Variants in FNTB observed in about 807,000 individuals in gnomAD.
FNTB encodes the protein protein farnesyltransferase subunit beta.
Under a neutral mutation model 59.4 loss-of-function variants are expected in FNTB, and 27 were observed. That is an observed-to-expected ratio of 0.45 (90% CI 0.34 to 0.63). FNTB has a LOEUF of 0.63. FNTB is among the 20% of genes least tolerant of loss of function. The probability of loss-of-function intolerance (pLI) is 0.02; values close to 1 mark genes in which losing one functional copy is unlikely to be tolerated. For synonymous variants in FNTB, 230 were observed against 220.7 expected, an observed-to-expected ratio of 1.04 and a Z score of -0.37; for missense variants, 449 against 559.6, an observed-to-expected ratio of 0.80 and a Z score of 1.99.
Position 65,061,402 on chromosome 14 carries a change from AC to A in FNTB, c.*91del. ...CAATACATACTGCATTCTGTGCTAC[AC>A]AAGCCTTAGCCTCAGTGGAGCTGTG... On this transcript the variant is annotated 3_prime_UTR_variant, in exon 12 of 12. Transcript: ENST00000246166. The A allele has an allele frequency of 6.4e-7, 1 of 1,555,128 alleles. No individual in the cohort carries two copies.
At chr14:65,024,754 T>C (rs1477395153) in intron 4 of FNTB, among the ~76,000 whole-genome samples, 3 of 152,134 alleles carry the variant, frequency 2.0e-5, no homozygotes, top group Non-Finnish European at 4.4e-5. Flanking sequence ...GTCTCTATGA[T>C]AAGTTTTTCT....
chr14:65,061,910 C>G lies in FNTB; in HGVS notation c.*598C>G, dbSNP rs1302100853. ...AGTTGGGAGTCCTTCCACTTCAACA[C>G]TGGAGAACTGAGCCTTGCATCTCTC... On this transcript the variant is annotated 3_prime_UTR_variant, in exon 12 of 12. Transcript: ENST00000246166. The G allele has an allele frequency of 6.5e-6, 1 of 154,428 alleles. No homozygotes were observed. Among genetic ancestry groups the G allele is most frequent in the Non-Finnish European group, 1.4e-5 (1 of 69,366 alleles). 9.6% of individuals were successfully genotyped at this position (154,428 alleles called of 1,614,324 possible).
In FNTB at chr14:65,031,080, T is replaced by A. The variant is rs2062072438; in HGVS notation, c.606-1530T>A. On this transcript the variant is annotated intron_variant, in intron 6 of 11. Transcript: ENST00000246166. The surrounding 1 kb of genome is among the most constrained non-coding windows in gnomAD (Gnocchi z 4.6). ...GCCTTAGCCTCCCAAAGTGCTGGGA[T>A]TACAGGCATGAGCTACCATGCCTGG... Among the ~76,000 whole-genome samples, 3 of 152,016 alleles carry A rather than the reference T, an allele frequency of 2.0e-5. No individual in the cohort carries two copies. The highest frequency in any genetic ancestry group is 6.6e-5 in the Admixed American group (1 of 15,262).
intron 4 of FNTB, chr14:65,016,516 C>G (rs1455560374): frequency 6.6e-6 from 1 of 152,184 alleles, no homozygotes; most frequent in East Asian, 1.9e-4. Context: ...GGATGAGAGA[C>G]TTCTGAGCCA....
In FNTB at chr14:65,014,138, T is replaced by C. The variant is rs946959678; in HGVS notation, c.283-1487T>C. Among the ~76,000 whole-genome samples the C allele has an allele frequency of 6.6e-6, 1 of 152,226 alleles. No individual in the cohort carries two copies. The highest frequency in any genetic ancestry group is 1.5e-5 in the Non-Finnish European group (1 of 68,036). On this transcript the variant is annotated intron_variant, in intron 3 of 11. Coordinates refer to ENST00000246166, the MANE Select transcript of FNTB (RefSeq NM_002028.4). This position sits in a 1 kb window ranked among gnomAD's most constrained non-coding sequence, Gnocchi z 5.1. Reference sequence around the variant, plus strand: ...GGATTGACTCTAAAAACCTAGGTTCTTGTCTCACCTCTGACATTTGCTATT... The same window carrying C: ...GGATTGACTCTAAAAACCTAGGTTCCTGTCTCACCTCTGACATTTGCTATT...
rs1595099290 is a variant in FNTB at position 65,054,517 on chromosome 14, C to A, written c.1068-58C>A. The A allele has an allele frequency of 5.9e-6, 9 of 1,535,414 alleles. No individual in the cohort carries two copies. The highest frequency in any genetic ancestry group is 8.9e-7 in the Non-Finnish European group (1 of 1,127,176). On this transcript the variant is annotated intron_variant, in intron 10 of 11. Transcript: ENST00000246166. This position sits in a 1 kb window ranked among gnomAD's most constrained non-coding sequence, Gnocchi z 4.4. ...AGTGGTCTCTGAATTGGTGTGGCTACATTTGTAGATGTGTGCGGAGCAGAG... is the reference window on the plus strand; with the variant it reads ...AGTGGTCTCTGAATTGGTGTGGCTAAATTTGTAGATGTGTGCGGAGCAGAG...
At chr14:65,060,093 A>G (rs2062828306) in intron 11 of FNTB, among the ~76,000 whole-genome samples, 1 of 151,578 alleles carries the variant, frequency 6.6e-6, no homozygotes, top group Admixed American at 6.6e-5. Context: ...TCGGCCTCCC[A>G]AAATGCTGGG....
rs1311712593 is a variant in FNTB at position 65,009,587 on chromosome 14, C to A, written c.210-2730C>A. On this transcript the variant is annotated intron_variant, in intron 2 of 11. Coordinates refer to ENST00000246166, the MANE Select transcript of FNTB (RefSeq NM_002028.4). The surrounding 1 kb of genome is among the most constrained non-coding windows in gnomAD (Gnocchi z 4.2). ...GCATCCTTCCTTATTCCAGGCTCAC[C>A]TCTCCTACTATACCCTCATCCCAGC... Among the ~76,000 whole-genome samples, 1 of 152,108 alleles carries A rather than the reference C, an allele frequency of 6.6e-6. No individual in the cohort carries two copies. Among genetic ancestry groups the A allele is most frequent in the Non-Finnish European group, 1.5e-5 (1 of 68,030 alleles).
intron 7 of FNTB, among the ~76,000 whole-genome samples, chr14:65,038,272 T>A (rs1347198095): frequency 2.0e-5 from 3 of 149,830 alleles, no homozygotes; most frequent in African/African-American, 7.4e-5. Flanking sequence ...TAGCCGGGTG[T>A]GGTGGTGGGT....
chr14:65,026,966 A>ATAGAGGCC (rs1011091643), intron 4 of FNTB, among the ~76,000 whole-genome samples: 18 of 152,230 alleles, frequency 1.2e-4, no homozygotes, highest in Admixed American at 1.2e-3. Flanking sequence ...CTCTATTTAC[A>ATAGAGGCC]TGTTCATGAT....
chr14:64,986,911 T>C lies in FNTB; in HGVS notation c.-43T>C. On this transcript the variant is annotated 5_prime_UTR_variant, in exon 1 of 12. The change abolishes the stop of an existing upstream ORF in the 5' untranslated region. Coordinates refer to ENST00000246166, the MANE Select transcript of FNTB (RefSeq NM_002028.4). ...TCGAGTTTCAATGCGCGTTGTTGCT[T>C]AACGAAGCAGAGTCCTACACACTGT... 6.2e-7 allele frequency: 1 copy of C among 1,611,494 alleles called. No individual in the cohort carries two copies. Among genetic ancestry groups the C allele is most frequent in the Non-Finnish European group, 8.5e-7 (1 of 1,177,786 alleles).
intron 4 of FNTB, among the ~76,000 whole-genome samples, chr14:65,020,456 C>T (rs184429978): frequency 9.1e-4 from 139 of 152,028 alleles, no homozygotes; most frequent in Non-Finnish European, 1.3e-3. Flanking sequence ...TTGAGAGTCT[C>T]GCTCTGTTGC....
Position 65,054,475 on chromosome 14 carries a change from G to A in FNTB, c.1068-100G>A. 1.7e-6 allele frequency: 2 copies of A among 1,189,526 alleles called. No homozygotes were observed. Among genetic ancestry groups the A allele is most frequent in the South Asian group, 2.8e-5 (2 of 70,924 alleles). The allele number at this position is 1,189,526 out of a possible 1,614,324, so 73.7% of individuals were successfully genotyped here. A position where few individuals can be genotyped will look rare whatever the true frequency, so the allele number is the denominator to read the frequency against. ...CTCTAGCCACATGGAGGATGGGGGG[G>A]GACGTGTGATTGCACCAGTGGTCTC... On this transcript the variant is annotated intron_variant, in intron 10 of 11. Coordinates refer to ENST00000246166, the MANE Select transcript of FNTB (RefSeq NM_002028.4). This position sits in a 1 kb window ranked among gnomAD's most constrained non-coding sequence, Gnocchi z 4.4.
rs2062428007 is a variant in FNTB at position 65,044,333 on chromosome 14, T to A, written c.845T>A (p.Met282Lys). 3 of 1,613,614 alleles carry A rather than the reference T, an allele frequency of 1.9e-6. No individual in the cohort carries two copies. Among genetic ancestry groups the A allele is most frequent in the Non-Finnish European group, 2.5e-6 (3 of 1,179,846 alleles). ...SLLQWVTSRQ[M>K]RFEGGFQGRC... Reference sequence around the variant, plus strand: ...CAGCAATGGGTGACAAGCCGGCAGATGCGATTTGAAGGAGGATTTCAGGGC... The same window carrying A: ...CAGCAATGGGTGACAAGCCGGCAGAAGCGATTTGAAGGAGGATTTCAGGGC... Residue 282 changes from methionine to lysine, a missense_variant, in exon 9 of 12, where the codon ATG (methionine) becomes AAG (lysine). Around this residue, in one of 2 missense-constraint regions of FNTB, gnomAD observed 337 missense variants for 479.1 expected, o/e 0.70. Transcript: ENST00000246166. This position sits in a 1 kb window ranked among gnomAD's most constrained non-coding sequence, Gnocchi z 5.5.
chr14:65,025,675 C>T (rs1323285280), intron 4 of FNTB, among the ~76,000 whole-genome samples: 1 of 152,016 alleles, frequency 6.6e-6, no homozygotes, highest in Non-Finnish European at 1.5e-5. Context: ...ACTAGCCAGG[C>T]GTGGTGGCTC....
rs569759072 is a variant in FNTB, at chr14:65,040,283, G to A, written c.693-507G>A. ...TGTATATATATGTATATATATGTGTGTATATATATATATGTATATATATGT... is the reference window on the plus strand; with the variant it reads ...TGTATATATATGTATATATATGTGTATATATATATATATGTATATATATGT... On this transcript the variant is annotated intron_variant, in intron 7 of 11. Coordinates refer to ENST00000246166, the MANE Select transcript of FNTB (RefSeq NM_002028.4). Among the ~76,000 whole-genome samples, 12 of 147,016 alleles carry A rather than the reference G, an allele frequency of 8.2e-5. No homozygotes were observed. The East Asian group carries it at 2.4e-3, about 29-fold the overall frequency.
chr14:65,024,878 C>CA (rs1653013553), intron 4 of FNTB, among the ~76,000 whole-genome samples: 1 of 152,238 alleles, frequency 6.6e-6, no homozygotes, highest in African/African-American at 2.4e-5. Flanking sequence ...CTTGGCCTCC[C>CA]AAAGTACTGG....
chr14:64,988,443 C>CTTTT (rs1218125017), intron 1 of FNTB, among the ~76,000 whole-genome samples: 3 of 120,548 alleles, frequency 2.5e-5, no homozygotes, highest in East Asian at 5.0e-4. Context: ...ATGGGATTGC[C>CTTTT]TTTTTTTTTT....
chr14:64,993,577 A>G (rs1888283485), intron 1 of FNTB, among the ~76,000 whole-genome samples: 1 of 152,252 alleles, frequency 6.6e-6, no homozygotes, highest in Non-Finnish European at 1.5e-5. Context: ...GTCTTGCCTT[A>G]TATTTCATAT....
Sources: gnomAD v4.1 joint callset for allele counts (sites outside exome capture counted in the v4.1 genomes callset) on GRCh38, gnomAD v4.1.1 for gene constraint, gnomAD v4.1.1 regional missense constraint, Gnocchi (gnomAD v3.1) non-coding constraint, MANE v1.5 for transcripts, NCBI Gene and HGNC (gene_info 2026-07-23, HGNC 2026-07-21) for gene names.